PDE1A: variants seen among roughly 807,000 people sequenced by gnomAD.
PDE1A encodes phosphodiesterase 1A, also known as dual specificity calcium/calmodulin-dependent 3',5'-cyclic nucleotide phosphodiesterase 1A.
In PDE1A, 35 loss-of-function variants were observed where a neutral mutation model predicts 61.7. That is an observed-to-expected ratio of 0.57 (90% CI 0.43 to 0.75). The LOEUF (loss-of-function observed/expected upper bound fraction) is 0.75, where lower values mean the gene tolerates loss of function less well. Ranked by LOEUF, PDE1A falls within the 30% of genes least tolerant of loss-of-function variation. PDE1A has a pLI of 0.00. For missense variants in PDE1A, 597 were observed against 630.6 expected (o/e 0.95, Z 0.57); for synonymous variants, 232 against 213.2 (o/e 1.09, Z -0.77).
At chr2:182,681,575 TAA>T in the PDE1A span, among the ~76,000 whole-genome samples, 2,409 of 143,884 alleles carry the variant, frequency 0.017, 20 homozygotes, top group South Asian at 0.062. Flanking sequence ...ACCTCTAAAT[TAA>T]AAAAAAAAAA....
chr2:182,579,362 A>T, the PDE1A span, among the ~76,000 whole-genome samples: 3 of 152,056 alleles, frequency 2.0e-5, no homozygotes, highest in Non-Finnish European at 4.4e-5. Flanking sequence ...GTGGGAGGTC[A>T]CTCCCTTAGC....
chr2:182,240,058 A>T (rs1690375517), intron 3 of PDE1A, 52 bp downstream of exon 3: 1 of 1,498,114 alleles, frequency 6.7e-7, no homozygotes, highest in South Asian at 1.2e-5. Flanking sequence ...AAATGAATGT[A>T]TCTGCTGCCT....
At chr2:182,325,506 A>G (rs1696979812) in intron 1 of PDE1A, among the ~76,000 whole-genome samples, 2 of 152,188 alleles carry the variant, frequency 1.3e-5, no homozygotes, top group Non-Finnish European at 2.9e-5. Context: ...ATCAAAGGAG[A>G]CTATCAACAG....
chr2:182,159,171 T>G (rs1463572040), intron 13 of PDE1A, among the ~76,000 whole-genome samples: 1 of 152,204 alleles, frequency 6.6e-6, no homozygotes, highest in Non-Finnish European at 1.5e-5. Context: ...AGCTAAAGTG[T>G]CCTCTTTTTG....
chr2:182,571,972 CCCAT>C, the PDE1A span, among the ~76,000 whole-genome samples: 2 of 152,134 alleles, frequency 1.3e-5, no homozygotes, highest in South Asian at 4.1e-4. Flanking sequence ...CTCATGACAG[CCCAT>C]AGCTTATTTC....
chr2:182,371,124 T>C (rs1403225513), intron 1 of PDE1A, among the ~76,000 whole-genome samples: 1 of 152,204 alleles, frequency 6.6e-6, no homozygotes, highest in Admixed American at 6.5e-5. Flanking sequence ...TAATGTCATT[T>C]GATTCTAAAA....
At chr2:182,398,919 T>C (rs1024948320) in intron 1 of PDE1A, among the ~76,000 whole-genome samples, 3 of 152,030 alleles carry the variant, frequency 2.0e-5, no homozygotes, top group Non-Finnish European at 2.9e-5. Flanking sequence ...CATGAAGTTC[T>C]TTTACCTATG....
At chr2:182,169,051 T>G (rs546501407) in intron 13 of PDE1A, among the ~76,000 whole-genome samples, 25 of 152,144 alleles carry the variant, frequency 1.6e-4, no homozygotes, top group African/African-American at 6.0e-4. Flanking sequence ...ATAATGCTAT[T>G]TTTTATAATT....
intron 1 of PDE1A, among the ~76,000 whole-genome samples, chr2:182,387,494 A>T (rs1701184100): frequency 6.6e-6 from 1 of 152,182 alleles, no homozygotes; most frequent in East Asian, 1.9e-4. Context: ...GTGGTGGCTC[A>T]CGCCTGTAAT....
At chr2:182,248,464 A>G (rs1362694395) in intron 2 of PDE1A, among the ~76,000 whole-genome samples, 3 of 152,164 alleles carry the variant, frequency 2.0e-5, no homozygotes, top group East Asian at 1.9e-4. Context: ...CAGCCGGTGA[A>G]CTGTGAAAAC....
At chr2:182,410,367 AAAAT>A (rs754127976) in intron 1 of PDE1A, among the ~76,000 whole-genome samples, 1 of 152,158 alleles carries the variant, frequency 6.6e-6, no homozygotes, top group Non-Finnish European at 1.5e-5. Flanking sequence ...ACTTTGTCTT[AAAAT>A]AAATAAATAA....
chr2:182,308,432 C>T (rs999057782), intron 1 of PDE1A, among the ~76,000 whole-genome samples: 4 of 151,778 alleles, frequency 2.6e-5, no homozygotes, highest in South Asian at 2.1e-4. Flanking sequence ...TTTTAAAGTC[C>T]GAAATGTAAT....
chr2:182,667,890 A>G, the PDE1A span, among the ~76,000 whole-genome samples: 3 of 152,210 alleles, frequency 2.0e-5, no homozygotes, highest in Non-Finnish European at 4.4e-5. Context: ...GCTTTATTAG[A>G]AGCCATAGTG....
the PDE1A span, among the ~76,000 whole-genome samples, chr2:182,540,159 T>A: frequency 6.6e-6 from 1 of 150,850 alleles, no homozygotes; most frequent in Non-Finnish European, 1.5e-5. Context: ...AGGTCAGGAG[T>A]TCGAACCCAG....
intron 2 of PDE1A, among the ~76,000 whole-genome samples, chr2:182,255,498 G>A (rs369145690): frequency 7.2e-5 from 11 of 152,024 alleles, no homozygotes; most frequent in Non-Finnish European, 1.3e-4. Flanking sequence ...CATAACTCTT[G>A]CAGCGCATTT....
intron 2 of PDE1A, among the ~76,000 whole-genome samples, chr2:182,519,155 G>T (rs1342756608): frequency 6.6e-6 from 1 of 152,052 alleles, no homozygotes; most frequent in Non-Finnish European, 1.5e-5. Flanking sequence ...TTAGTATGTA[G>T]GAAGAAGTCT....
chr2:182,516,383 G>A (rs1028147994), intron 2 of PDE1A, among the ~76,000 whole-genome samples: 2 of 152,014 alleles, frequency 1.3e-5, no homozygotes, highest in Admixed American at 1.3e-4. Flanking sequence ...AGGCATGGTG[G>A]CTCACACCTG....
At chr2:182,630,961 GAACTA>G in the PDE1A span, among the ~76,000 whole-genome samples, 2 of 151,998 alleles carry the variant, frequency 1.3e-5, no homozygotes, top group South Asian at 4.2e-4. Flanking sequence ...CCAGAAAACA[GAACTA>G]ATCTAATGTA....
At chr2:182,195,855 G>C (rs894072417) in intron 10 of PDE1A, among the ~76,000 whole-genome samples, 1 of 151,956 alleles carries the variant, frequency 6.6e-6, no homozygotes, top group African/African-American at 2.4e-5. Flanking sequence ...AAACATACAA[G>C]AACCACTGCA....
Sources: gnomAD v4.1 joint callset for allele counts (sites outside exome capture counted in the v4.1 genomes callset) on GRCh38, gnomAD v4.1.1 for gene constraint, MANE v1.5 for transcripts, NCBI Gene and HGNC (gene_info 2026-07-23, HGNC 2026-07-21) for gene names.